E2F5: variants seen among roughly 807,000 people sequenced by gnomAD.
E2F5 encodes the protein transcription factor E2F5.
Under a neutral mutation model 39.1 loss-of-function variants are expected in E2F5, and 23 were observed. That is an observed-to-expected ratio of 0.59 (90% confidence interval 0.42 to 0.83). E2F5 has a LOEUF of 0.83. Ranked by LOEUF, E2F5 falls within the 40% of genes least tolerant of loss-of-function variation. The pLI is 0.00. For missense variants in E2F5, 365 were observed against 406.7 expected (o/e 0.90, Z 0.88); for synonymous variants, 145 against 157.8 (o/e 0.92, Z 0.61).
At chr8:85,198,618 C>G (rs1207610239) in intron 1 of E2F5, among the ~76,000 whole-genome samples, 8 of 152,200 alleles carry the variant, frequency 5.3e-5, no homozygotes, top group Non-Finnish European at 4.4e-5. Flanking sequence ...TTCTTACACT[C>G]TCTTCCCTTG....
intron 6 of E2F5, among the ~76,000 whole-genome samples, chr8:85,210,311 T>C (rs987601697): frequency 6.6e-6 from 1 of 152,170 alleles, no homozygotes; most frequent in Non-Finnish European, 1.5e-5. Flanking sequence ...TTTAGCTTCT[T>C]TTTGCCCACA....
chr8:85,186,531 G>GGT (rs1812337986), intron 1 of E2F5, among the ~76,000 whole-genome samples: 1 of 148,494 alleles, frequency 6.7e-6, no homozygotes, highest in South Asian at 2.1e-4. Context: ...ATATATGTAC[G>GGT]GTATATATAT....
intron 2 of E2F5, among the ~76,000 whole-genome samples, chr8:85,202,814 C>A (rs1249815702): frequency 6.6e-6 from 1 of 152,136 alleles, no homozygotes; most frequent in Non-Finnish European, 1.5e-5. Flanking sequence ...TGAGCACACT[C>A]TTTTGGTACC....
At chr8:85,213,542 T>TAAAAAAAAAAAA in intron 7 of E2F5, 4 of 121,494 alleles carry the variant, frequency 3.3e-5, no homozygotes, top group Non-Finnish European at 4.3e-5. Context: ...GACTCCATCT[T>TAAAAAAAAAAAA]AAAAAAAAAA....
intron 1 of E2F5, among the ~76,000 whole-genome samples, chr8:85,181,159 C>T (rs1288611509): frequency 2.6e-5 from 4 of 152,080 alleles, no homozygotes; most frequent in African/African-American, 4.8e-5. Context: ...CCGCTTCCGG[C>T]CTTGAAGAAA....
intron 1 of E2F5, among the ~76,000 whole-genome samples, chr8:85,182,361 A>G (rs1355208821): frequency 6.6e-6 from 1 of 152,234 alleles, no homozygotes; most frequent in Non-Finnish European, 1.5e-5. Context: ...AAGTAGGCCA[A>G]GATAGGTTAG....
intron 4 of E2F5, among the ~76,000 whole-genome samples, chr8:85,206,516 G>A (rs1346134364): frequency 6.6e-6 from 1 of 152,154 alleles, no homozygotes; most frequent in Non-Finnish European, 1.5e-5. Flanking sequence ...AACTTTCATT[G>A]TCACACAGTC....
At chr8:85,209,613 A>G (rs1347803527) in intron 6 of E2F5, among the ~76,000 whole-genome samples, 4 of 152,222 alleles carry the variant, frequency 2.6e-5, no homozygotes, top group Admixed American at 6.5e-5. Context: ...CCTTATTCAC[A>G]TAGCCTGAAT....
At chr8:85,211,760 C>T (rs1812928789) in intron 6 of E2F5, among the ~76,000 whole-genome samples, 1 of 147,020 alleles carries the variant, frequency 6.8e-6, no homozygotes, top group Non-Finnish European at 1.5e-5. Flanking sequence ...ACCTCAGTCT[C>T]CCAAGTAGTT....
chr8:85,187,372 A>T (rs1320410765), intron 1 of E2F5, among the ~76,000 whole-genome samples: 1 of 152,102 alleles, frequency 6.6e-6, no homozygotes, highest in African/African-American at 2.4e-5. Flanking sequence ...TCTGTCCATT[A>T]CTGAAAGTGG....
At chr8:85,185,486 TG>T (rs1405229454) in intron 1 of E2F5, among the ~76,000 whole-genome samples, 1 of 152,122 alleles carries the variant, frequency 6.6e-6, no homozygotes, top group African/African-American at 2.4e-5. Context: ...CGAAAAGCAA[TG>T]GCAACAAAAG....
chr8:85,204,352 G>T (rs935705369), intron 3 of E2F5, among the ~76,000 whole-genome samples: 6 of 152,078 alleles, frequency 3.9e-5, no homozygotes, highest in Non-Finnish European at 8.8e-5. Flanking sequence ...CCTGGGACTA[G>T]CCACTTCTTA....
intron 1 of E2F5, among the ~76,000 whole-genome samples, chr8:85,198,984 GT>G (rs1812637639): frequency 6.6e-6 from 1 of 152,062 alleles, no homozygotes; most frequent in African/African-American, 2.4e-5. Flanking sequence ...AAAAACTGAA[GT>G]CATTTCTGAT....
intron 1 of E2F5, among the ~76,000 whole-genome samples, chr8:85,198,887 G>A (rs976703824): frequency 6.6e-6 from 1 of 152,156 alleles, no homozygotes; most frequent in Non-Finnish European, 1.5e-5. Flanking sequence ...CCCTGTGGAT[G>A]TCAGAAGGTT....
rs529141764 is a variant in E2F5, at chr8:85,208,328, C to T, written c.616-814C>T. Among the ~76,000 whole-genome samples, 6 of 152,202 alleles carry T rather than the reference C, an allele frequency of 3.9e-5. No individual in the cohort carries two copies. In the South Asian group the frequency reaches 1.2e-3, roughly 32 times the overall value. ...GGGCAACAAGAGTGAAACTCTGTAT[C>T]AAAACAACAACAACAACAACACATC... On this transcript the variant is annotated intron_variant, in intron 5 of 7. Coordinates refer to ENST00000416274, the MANE Select transcript of E2F5 (RefSeq NM_001951.4).
chr8:85,178,195 C>T (rs1281637622), intron 1 of E2F5: 1 of 151,992 alleles, frequency 6.6e-6, no homozygotes, highest in African/African-American at 2.4e-5. Context: ...GTACTTCTTT[C>T]CACGCCCCTC....
At chr8:85,190,286 A>G (rs1471439924) in intron 1 of E2F5, among the ~76,000 whole-genome samples, 3 of 150,930 alleles carry the variant, frequency 2.0e-5, no homozygotes, top group Non-Finnish European at 2.9e-5. Context: ...TGCACCACAC[A>G]TACACAAACA....
chr8:85,202,129 G>C lies in E2F5; in HGVS notation c.235-18G>C, dbSNP rs140476393. 1.9e-6 allele frequency: 3 copies of C among 1,598,462 alleles called. No individual in the cohort carries two copies. Among genetic ancestry groups the C allele is most frequent in the Non-Finnish European group, 1.7e-6 (2 of 1,169,088 alleles). On this transcript the variant is annotated intron_variant, in intron 1 of 7. Transcript: ENST00000416274. ...ACTTGCCCTTTATTTCACTGTTCTC[G>C]TTGTCTTTCCTGAACAGGCTGCTGA...
chr8:85,177,510 G>T lies in E2F5; in HGVS notation c.90G>T (p.Ala30=), dbSNP rs1340812203. ...GGCCGCCGCCGCAGCCTCCGCAGGC[G>T]CAAGCCCCGCAGCCGCCCCCGCCGC... ...GQRPPPQPPQ[A]QAPQPPPPPQ... The change falls in exon 1 of 8, where the codon GCG becomes GCT. Residue 30 remains alanine, a synonymous_variant. Transcript: ENST00000416274. 2 of 1,101,114 alleles carry T rather than the reference G, an allele frequency of 1.8e-6. No homozygotes were observed. Among genetic ancestry groups the T allele is most frequent in the Non-Finnish European group, 2.2e-6 (2 of 906,208 alleles). 68.2% of individuals were successfully genotyped at this position (1,101,114 alleles called of 1,614,324 possible).
Sources: allele counts gnomAD v4.1 joint callset (sites outside exome capture counted in the v4.1 genomes callset), GRCh38; gene constraint gnomAD v4.1.1; transcripts MANE v1.5; gene names NCBI Gene and HGNC (gene_info 2026-07-23, HGNC 2026-07-21).